The following SPTLC3 variants were observed in gnomAD, a reference collection of about 807,000 sequenced individuals.
SPTLC3 encodes the protein serine palmitoyltransferase long chain base subunit 3.
Under a neutral mutation model 59.3 loss-of-function variants are expected in SPTLC3, and 36 were observed. The ratio of observed to expected loss-of-function variants is 0.61; its 90% confidence interval spans 0.47 to 0.80. The LOEUF (loss-of-function observed/expected upper bound fraction) is 0.80, where lower values mean the gene tolerates loss of function less well. Ranked by LOEUF, SPTLC3 falls within the 30% of genes least tolerant of loss-of-function variation. The pLI, the probability that SPTLC3 is intolerant of heterozygous loss-of-function variation, is 0.00. For missense variants in SPTLC3, 625 were observed against 685.1 expected, an observed-to-expected ratio of 0.91 and a Z score of 0.98; for synonymous variants, 257 against 240.8, an observed-to-expected ratio of 1.07 and a Z score of -0.62.
intron 1 of SPTLC3, among the ~76,000 whole-genome samples, chr20:13,014,087 A>G (rs1406570660): frequency 6.6e-6 from 1 of 152,226 alleles, no homozygotes; most frequent in African/African-American, 2.4e-5. Context: ...AATAGAAACT[A>G]CAAGACCTCT....
intron 4 of SPTLC3, among the ~76,000 whole-genome samples, chr20:13,088,921 C>T (rs62203596): frequency 0.49 from 73,627 of 151,794 alleles, 17,945 homozygotes; most frequent in African/African-American, 0.53. Context: ...GTGGGCCACG[C>T]GCCCAGCCTA....
chr20:13,026,415 C>T (rs1002939679), intron 1 of SPTLC3, among the ~76,000 whole-genome samples: 2 of 152,068 alleles, frequency 1.3e-5, no homozygotes, highest in African/African-American at 2.4e-5. Context: ...TTTAGTAATA[C>T]CCGTACTGAC....
At chr20:13,147,762 T>C (rs989752223) in intron 9 of SPTLC3, among the ~76,000 whole-genome samples, 2 of 152,248 alleles carry the variant, frequency 1.3e-5, no homozygotes, top group African/African-American at 4.8e-5. Context: ...GGAGCATGTA[T>C]GAGGTCATGC....
chr20:13,015,475 T>C (rs1387657956), intron 1 of SPTLC3, among the ~76,000 whole-genome samples: 1 of 151,862 alleles, frequency 6.6e-6, no homozygotes, highest in Non-Finnish European at 1.5e-5. Flanking sequence ...AGTATGAAAA[T>C]GCTACTGAGG....
At chr20:13,060,364 G>A (rs1987911859) in intron 2 of SPTLC3, among the ~76,000 whole-genome samples, 1 of 145,872 alleles carries the variant, frequency 6.9e-6, no homozygotes, top group Non-Finnish European at 1.5e-5. Context: ...TGTAGGAGAA[G>A]GCAAGAGCTA....
intron 4 of SPTLC3, among the ~76,000 whole-genome samples, chr20:13,078,436 T>C (rs1054747663): frequency 1.3e-5 from 2 of 151,644 alleles, no homozygotes; most frequent in Admixed American, 6.6e-5. Flanking sequence ...AAATTTTAAA[T>C]AGAACATAAA....
intron 2 of SPTLC3, among the ~76,000 whole-genome samples, chr20:13,068,779 T>C (rs907718643): frequency 1.3e-5 from 2 of 151,750 alleles, no homozygotes; most frequent in African/African-American, 4.8e-5. Context: ...ACAACAACAC[T>C]AGCCCTTCCT....
intron 1 of SPTLC3, among the ~76,000 whole-genome samples, chr20:13,048,148 C>T (rs541511606): frequency 2.6e-5 from 4 of 152,228 alleles, no homozygotes; most frequent in African/African-American, 9.6e-5. Flanking sequence ...AATATATATG[C>T]ACCCAATACA....
intron 1 of SPTLC3, among the ~76,000 whole-genome samples, chr20:13,047,049 C>G (rs1243785628): frequency 6.6e-6 from 1 of 152,026 alleles, no homozygotes; most frequent in African/African-American, 2.4e-5. Flanking sequence ...AGGAGGCAAG[C>G]CATTTTAATA....
rs139925354 is a variant in SPTLC3, at chr20:13,017,111, G to A, written c.117+7727G>A. 5.9e-3 allele frequency among the ~76,000 whole-genome samples: 896 copies of A among 152,250 alleles called. 6 individuals are homozygous for A. The highest frequency in any genetic ancestry group is 8.1e-3 in the South Asian group (39 of 4,816). On this transcript the variant is annotated intron_variant, in intron 1 of 11. Transcript: ENST00000399002. ...TTCATACCCACTTCCAGAGAGAAGG[G>A]GCCAGCAGACACAGCCTTAAAGGGC...
chr20:13,136,982 A>G (rs976628480), intron 9 of SPTLC3, among the ~76,000 whole-genome samples: 4 of 152,144 alleles, frequency 2.6e-5, no homozygotes, highest in Admixed American at 2.6e-4. Flanking sequence ...TAACAAGCCT[A>G]TCATAGAATG....
chr20:13,142,277 C>T (rs1222567014), intron 9 of SPTLC3, among the ~76,000 whole-genome samples: 1 of 152,190 alleles, frequency 6.6e-6, no homozygotes, highest in Non-Finnish European at 1.5e-5. Flanking sequence ...ACAAGATATC[C>T]TTTTACATGA....
chr20:13,106,187 A>G (rs1049959289), intron 6 of SPTLC3, among the ~76,000 whole-genome samples: 13 of 152,192 alleles, frequency 8.5e-5, no homozygotes, highest in Non-Finnish European at 1.6e-4. Flanking sequence ...AATAATTCTT[A>G]TTTCTATCCA....
intron 9 of SPTLC3, among the ~76,000 whole-genome samples, chr20:13,148,894 C>G (rs2038579521): frequency 6.6e-6 from 1 of 152,190 alleles, no homozygotes; most frequent in Non-Finnish European, 1.5e-5. Flanking sequence ...TTTCAACGAC[C>G]TACTAAATGC....
rs187528265 is a variant in SPTLC3 at position 13,159,054 on chromosome 20, A to G, written c.1416-949A>G. 3.5e-3 allele frequency among the ~76,000 whole-genome samples: 538 copies of G among 152,346 alleles called. 1 individual carries two copies. Among genetic ancestry groups the G allele is most frequent in the African/African-American group, 0.013 (524 of 41,578 alleles). ...CAAAGACTAACAGAGCCCAAAGGGG[A>G]AAAAGAGTCACTTGGGAGTACATGC... On this transcript the variant is annotated intron_variant, in intron 10 of 11. Transcript: ENST00000399002.
At chr20:13,073,881 G>A in intron 3 of SPTLC3, 1 of 548,596 alleles carries the variant, frequency 1.8e-6, no homozygotes. Flanking sequence ...ATTCTTTATA[G>A]GACGGTCCTG....
At chr20:13,095,477 G>C (rs1041861430) in intron 6 of SPTLC3, among the ~76,000 whole-genome samples, 1 of 152,118 alleles carries the variant, frequency 6.6e-6, no homozygotes, top group South Asian at 2.1e-4. Context: ...CCAAATATCT[G>C]TCATATAGAT....
intron 3 of SPTLC3, chr20:13,074,068 G>T: frequency 3.1e-6 from 2 of 652,416 alleles, no homozygotes; most frequent in South Asian, 1.4e-5. Context: ...GCCTGCTGTG[G>T]GCTGGAAGCT....
Position 13,079,794 on chromosome 20 carries a change from T to C in SPTLC3, c.607+5297T>C, listed in dbSNP as rs556305871. 62 of 468,838 alleles carry C rather than the reference T, an allele frequency of 1.3e-4. No homozygotes were observed. The East Asian group carries it at 3.3e-3, about 25-fold the overall frequency. 29.0% of individuals were successfully genotyped at this position (468,838 alleles called of 1,614,324 possible). The stretch of plus-strand genomic sequence containing the variant: ...CAGAATGCCCTCTGTGTGGGAGGGG[T>C]CTTGCAAGCTGACTCAGTGCCACAG... On this transcript the variant is annotated intron_variant, in intron 4 of 11. Coordinates refer to ENST00000399002, the MANE Select transcript of SPTLC3 (RefSeq NM_018327.4).
Sources: gnomAD v4.1 joint callset for allele counts (sites outside exome capture counted in the v4.1 genomes callset) on GRCh38, gnomAD v4.1.1 for gene constraint, MANE v1.5 for transcripts, NCBI Gene and HGNC (gene_info 2026-07-23, HGNC 2026-07-21) for gene names.